CFAP221: variants seen among roughly 807,000 people sequenced by gnomAD.
CFAP221 encodes cilia and flagella associated protein 221.
Under a neutral mutation model 113.1 loss-of-function variants are expected in CFAP221, and 97 were observed. The ratio of observed to expected loss-of-function variants is 0.86; its 90% CI spans 0.73 to 1.02. The LOEUF is 1.02. CFAP221 is among the 50% of genes least tolerant of loss of function. The probability of loss-of-function intolerance (pLI) is 0.00; values close to 1 mark genes in which losing one functional copy is unlikely to be tolerated. For missense variants in CFAP221, 1,025 were observed against 1,013.4 expected (o/e 1.01, Z -0.16); for synonymous variants, 331 against 354.4 (o/e 0.93, Z 0.74).
chr2:119,559,280 C>G (rs1383791791), intron 3 of CFAP221, among the ~76,000 whole-genome samples: 1 of 152,136 alleles, frequency 6.6e-6, no homozygotes, highest in African/African-American at 2.4e-5. Context: ...CCTCTGGGCC[C>G]CTAAACCAGT....
At chr2:119,594,911 G>A (rs1230702515) in intron 7 of CFAP221, among the ~76,000 whole-genome samples, 1 of 152,200 alleles carries the variant, frequency 6.6e-6, no homozygotes, top group Non-Finnish European at 1.5e-5. Context: ...AGCAGAGCTG[G>A]GGTTGCAATG....
At chr2:119,567,433 T>A (rs1489472987) in intron 6 of CFAP221, among the ~76,000 whole-genome samples, 1 of 152,232 alleles carries the variant, frequency 6.6e-6, no homozygotes, top group Non-Finnish European at 1.5e-5. Flanking sequence ...CCTCCATATC[T>A]TTTCAGGGCT....
At chr2:119,617,325 C>T (rs1021878525) in intron 14 of CFAP221, among the ~76,000 whole-genome samples, 1 of 152,162 alleles carries the variant, frequency 6.6e-6, no homozygotes, top group African/African-American at 2.4e-5. Flanking sequence ...TAAGGCTTTC[C>T]CTGGGTGGTC....
rs1268577252 is a variant in CFAP221, at chr2:119,618,165, C to T, written c.1410+2456C>T. 4.6e-5 allele frequency among the ~76,000 whole-genome samples: 7 copies of T among 152,318 alleles called. No individual in the cohort carries two copies. The East Asian group carries it at 7.7e-4, about 17-fold the overall frequency. ...CATCCCACTTTGCCTCCTATACACA[C>T]GTGGAATATCAGCTCCTTGTGGGCA... On this transcript the variant is annotated intron_variant, in intron 14 of 23. Coordinates refer to ENST00000413369, the MANE Select transcript of CFAP221 (RefSeq NM_001271049.2).
chr2:119,640,650 G>T (rs528267760), intron 21 of CFAP221, among the ~76,000 whole-genome samples: 1 of 152,278 alleles, frequency 6.6e-6, no homozygotes, highest in Non-Finnish European at 1.5e-5. Context: ...GTCAAACAAA[G>T]TTCCAATCCT....
chr2:119,584,775 C>T (rs1454258555), intron 6 of CFAP221, among the ~76,000 whole-genome samples: 2 of 152,100 alleles, frequency 1.3e-5, no homozygotes, highest in Non-Finnish European at 2.9e-5. Context: ...ATCAGGTTGA[C>T]AGAAGTTAAA....
At position 119,559,951 on chromosome 2, in the gene CFAP221, G is replaced by C. The variant is rs576652538; in HGVS notation, c.351G>C (p.Leu117Phe). The C allele has an allele frequency of 2.0e-6, 3 of 1,534,960 alleles. No individual in the cohort carries two copies. The South Asian group carries it at 3.6e-5, about 18-fold the overall frequency. ...VRKEHHLVPG[L>F]SLTVTVTFSP... ...AGGAACACCACCTGGTCCCTGGCTT[G>C]TCCCTCACGGTCACCGTTACATTTT... The change falls in exon 5 of 24, where the codon TTG becomes TTC. Residue 117 changes from leucine (L) to phenylalanine (F), a missense_variant. Physicochemically the swap from Leu to Phe is conservative, Grantham distance 22. Coordinates refer to ENST00000413369, the MANE Select transcript of CFAP221 (RefSeq NM_001271049.2).
chr2:119,629,016 C>T (rs1439122528), intron 16 of CFAP221, among the ~76,000 whole-genome samples: 1 of 152,146 alleles, frequency 6.6e-6, no homozygotes, highest in Non-Finnish European at 1.5e-5. Flanking sequence ...AAATAGAGCG[C>T]TCAGCATTCC....
chr2:119,607,659 C>CA (rs1257431155), intron 11 of CFAP221, among the ~76,000 whole-genome samples: 3 of 152,142 alleles, frequency 2.0e-5, no homozygotes, highest in African/African-American at 7.2e-5. Flanking sequence ...CATTATCAAT[C>CA]ACTCCCCACT....
chr2:119,544,839 G>T (rs1457380802), intron 1 of CFAP221, among the ~76,000 whole-genome samples: 2 of 152,136 alleles, frequency 1.3e-5, no homozygotes, highest in Non-Finnish European at 2.9e-5. Context: ...CAGGCCTACC[G>T]GGGCGGTGGG....
Position 119,566,689 on chromosome 2 carries a change from C to G in CFAP221, c.527+4575C>G, listed in dbSNP as rs1356535384. Among the ~76,000 whole-genome samples, 5 of 152,318 alleles carry G rather than the reference C, an allele frequency of 3.3e-5. 1 individual carries two copies. The South Asian group carries it at 1.0e-3, about 32-fold the overall frequency. ...GCCTCTTGGCCCGTGTCCCAGCTAC[C>G]TGGCAGCTTCTGAGCCCTACCTCAC... On this transcript the variant is annotated intron_variant, in intron 6 of 23. Coordinates refer to ENST00000413369, the MANE Select transcript of CFAP221 (RefSeq NM_001271049.2).
At chr2:119,576,229 G>A (rs1682432668) in intron 6 of CFAP221, among the ~76,000 whole-genome samples, 1 of 152,074 alleles carries the variant, frequency 6.6e-6, no homozygotes, top group South Asian at 2.1e-4. Flanking sequence ...GGGGATACAT[G>A]CACATATTTG....
At chr2:119,574,672 C>G (rs1193601066) in intron 6 of CFAP221, among the ~76,000 whole-genome samples, 1 of 152,064 alleles carries the variant, frequency 6.6e-6, no homozygotes, top group Non-Finnish European at 1.5e-5. Flanking sequence ...GCTGCAGCAG[C>G]CCAGGTTTGT....
At chr2:119,570,893 A>G (rs1249902477) in intron 6 of CFAP221, among the ~76,000 whole-genome samples, 1 of 152,186 alleles carries the variant, frequency 6.6e-6, no homozygotes, top group Non-Finnish European at 1.5e-5. Context: ...CTTGGTAAAT[A>G]CCTAGAAGTG....
intron 21 of CFAP221, among the ~76,000 whole-genome samples, chr2:119,646,311 A>G (rs1687799976): frequency 6.6e-6 from 1 of 152,222 alleles, no homozygotes; most frequent in African/African-American, 2.4e-5. Flanking sequence ...TAATTGGCTC[A>G]TAGTTCCATA....
In CFAP221 at chr2:119,609,192, C is replaced by T. The variant is rs148997790; in HGVS notation, c.1221+603C>T. Among the ~76,000 whole-genome samples the T allele has an allele frequency of 3.6e-3, 547 of 152,296 alleles. 6 individuals carry two copies. The highest frequency in any genetic ancestry group is 0.012 in the African/African-American group (515 of 41,570). ...TTTGAAGATGGTTGTTACCTACACACAGGTGCAGAGAACACTGAGGACAAG... is the reference window on the plus strand; with the variant it reads ...TTTGAAGATGGTTGTTACCTACACATAGGTGCAGAGAACACTGAGGACAAG... On this transcript the variant is annotated intron_variant, in intron 12 of 23. Coordinates refer to ENST00000413369, the MANE Select transcript of CFAP221 (RefSeq NM_001271049.2).
chr2:119,655,834 C>G (rs1688398014), intron 23 of CFAP221: 1 of 154,886 alleles, frequency 6.5e-6, no homozygotes, highest in African/African-American at 2.4e-5. Context: ...AGTCAAAGTT[C>G]TACCCAGCAA....
At chr2:119,569,449 C>T (rs564151153) in intron 6 of CFAP221, among the ~76,000 whole-genome samples, 1 of 152,140 alleles carries the variant, frequency 6.6e-6, no homozygotes, top group Admixed American at 6.5e-5. Flanking sequence ...CTCTGGTTCT[C>T]TGTAGTTTGA....
intron 12 of CFAP221, among the ~76,000 whole-genome samples, chr2:119,609,667 A>T (rs1417145562): frequency 6.6e-6 from 1 of 152,186 alleles, no homozygotes; most frequent in Admixed American, 6.5e-5. Flanking sequence ...ATACCATCAC[A>T]TGCTGAGTTC....
Sources: gnomAD v4.1 joint callset for allele counts (sites outside exome capture counted in the v4.1 genomes callset) on GRCh38, gnomAD v4.1.1 for gene constraint, MANE v1.5 for transcripts, NCBI Gene and HGNC (gene_info 2026-07-23, HGNC 2026-07-21) for gene names.